Variants in VSTM1 observed in about 807,000 individuals in gnomAD.
VSTM1 encodes the protein V-set and transmembrane domain containing 1, also known as V-set and transmembrane domain-containing protein 1.
Under a neutral mutation model 33.1 loss-of-function variants are expected in VSTM1, and 27 were observed. That is an observed-to-expected ratio of 0.82 (90% confidence interval 0.60 to 1.12). The LOEUF is 1.12. Ranked by LOEUF, VSTM1 falls within the 50% of genes most tolerant of loss-of-function variation. The probability of loss-of-function intolerance (pLI) is 0.00; values close to 1 mark genes in which losing one functional copy is unlikely to be tolerated. For synonymous variants in VSTM1, 115 were observed against 110.3 expected (o/e 1.04, Z -0.27); for missense variants, 304 against 288.9 (o/e 1.05, Z -0.38).
intron 3 of VSTM1, among the ~76,000 whole-genome samples, chr19:54,057,745 G>T (rs1441056093): frequency 6.6e-6 from 1 of 150,398 alleles, no homozygotes; most frequent in African/African-American, 2.4e-5. Flanking sequence ...GGAGGCGGGG[G>T]TTGCAGTGAG....
intron 3 of VSTM1, among the ~76,000 whole-genome samples, chr19:54,052,324 G>A (rs1345446664): frequency 2.1e-5 from 3 of 142,608 alleles, no homozygotes; most frequent in East Asian, 2.0e-4. Context: ...CGTGAACCCG[G>A]GAGGCGGAGC....
At chr19:54,047,755 T>G (rs2070666129) in intron 4 of VSTM1, among the ~76,000 whole-genome samples, 1 of 152,182 alleles carries the variant, frequency 6.6e-6, no homozygotes, top group South Asian at 2.1e-4. Context: ...CACACAGCAA[T>G]TCACTAGAAA....
At chr19:54,047,363 C>T (rs144629818) in intron 4 of VSTM1, among the ~76,000 whole-genome samples, 12 of 151,784 alleles carry the variant, frequency 7.9e-5, no homozygotes, top group African/African-American at 2.7e-4. Context: ...GGTACAATCT[C>T]GGCTTTGGAA....
intron 1 of VSTM1, among the ~76,000 whole-genome samples, chr19:54,062,425 T>A (rs1295514269): frequency 6.6e-6 from 1 of 151,986 alleles, no homozygotes; most frequent in African/African-American, 2.4e-5. Flanking sequence ...CCGATAGTCA[T>A]CTCTAAGGCA....
At position 54,063,896 on chromosome 19, in the gene VSTM1, A is replaced by G; in HGVS notation, c.-119T>C. 3 of 1,123,050 alleles carry G rather than the reference A, an allele frequency of 2.7e-6. No homozygotes were observed. The highest frequency in any genetic ancestry group is 3.8e-6 in the Non-Finnish European group (3 of 796,592). The allele number at this position is 1,123,050 out of a possible 1,614,324, so 69.6% of individuals were successfully genotyped here. A position where few individuals can be genotyped will look rare whatever the true frequency, so the allele number is the denominator to read the frequency against. ...GTTCGTCCCCAGGATGTGCAGATAGAGGAGGTTTTGCTCTGACACTCTGGT... is the reference window on the plus strand; with the variant it reads ...GTTCGTCCCCAGGATGTGCAGATAGGGGAGGTTTTGCTCTGACACTCTGGT... On this transcript the variant is annotated 5_prime_UTR_variant, in exon 1 of 9. Transcript: ENST00000338372.
At chr19:54,041,168 C>T in intron 8 of VSTM1, 88 bp from the exon 9 acceptor site, 1 of 1,342,856 alleles carries the variant, frequency 7.4e-7, no homozygotes, top group Non-Finnish European at 9.8e-7. Flanking sequence ...AAGTTAATTA[C>T]AATTAAATTT....
intron 3 of VSTM1, 59 bp from the exon 4 acceptor site, chr19:54,051,507 G>A (rs2070840585): frequency 7.1e-7 from 1 of 1,408,828 alleles, no homozygotes; most frequent in South Asian, 1.3e-5. Flanking sequence ...CTTGGGGACA[G>A]GAGTCCTCAC....
intron 3 of VSTM1, among the ~76,000 whole-genome samples, chr19:54,054,152 G>GA (rs2070976498): frequency 7.0e-6 from 1 of 142,380 alleles, no homozygotes; most frequent in African/African-American, 2.6e-5. Flanking sequence ...GGCTGACCTG[G>GA]AAAATCAACC....
chr19:54,052,997 A>G, intron 3 of VSTM1: 1 of 168,056 alleles, frequency 6.0e-6, no homozygotes, highest in Non-Finnish European at 1.3e-5. Flanking sequence ...AAAAAAAAAA[A>G]AAAAAAGCAG....
At chr19:54,042,812 A>ATATATATATGTG (rs1555752336) in intron 4 of VSTM1, among the ~76,000 whole-genome samples, 1 of 39,138 alleles carries the variant, frequency 2.6e-5, no homozygotes, top group African/African-American at 8.3e-5. Context: ...ATGTGTATAT[A>ATATATATATGTG]TATATATATA....
chr19:54,042,354 A>G lies in VSTM1; in HGVS notation c.410T>C (p.Phe137Ser), dbSNP rs753095684. The G allele has an allele frequency of 8.7e-6, 14 of 1,613,732 alleles. No homozygotes were observed. In the East Asian group the frequency reaches 2.9e-4, roughly 33 times the overall value. Residue 137 changes from phenylalanine (F) to serine (S), a missense_variant, in exon 5 of 9, where the codon TTT becomes TCT. Transcript: ENST00000338372. ...GGAGATGCAGCTGAAGATGGCGACAAAGATGGTTCTGGTGTCTGGAGGGGG... is the reference window on the plus strand; with the variant it reads ...GGAGATGCAGCTGAAGATGGCGACAGAGATGGTTCTGGTGTCTGGAGGGGG... Reference protein sequence around the residue: ...PSMKTDTRTIFVAIFSCISIL... With the variant: ...PSMKTDTRTISVAIFSCISIL...
intron 4 of VSTM1, among the ~76,000 whole-genome samples, chr19:54,049,904 GATGCCAATTTAT>G (rs755779679): frequency 1.3e-5 from 2 of 151,786 alleles, no homozygotes; most frequent in Non-Finnish European, 2.9e-5. Context: ...TAAGCATCTA[GATGCCAATTTAT>G]ATTCTGCATT....
At chr19:54,047,455 G>A (rs114827341) in intron 4 of VSTM1, among the ~76,000 whole-genome samples, 2,668 of 151,988 alleles carry the variant, frequency 0.018, 29 homozygotes, top group Middle Eastern at 0.051. Flanking sequence ...ACCTCACCCC[G>A]CTAATTTTTT....
chr19:54,058,182 G>A (rs1281376045), intron 3 of VSTM1, 124 bp downstream of exon 3: 14 of 1,070,072 alleles, frequency 1.3e-5, no homozygotes, highest in Non-Finnish European at 1.9e-5. Context: ...AGAAGTTGCA[G>A]TGAGCCGAGA....
Position 54,062,984 on chromosome 19 carries a change from T to C in VSTM1, c.34+760A>G, listed in dbSNP as rs183907044. Among the ~76,000 whole-genome samples the C allele has an allele frequency of 2.0e-5, 3 of 152,234 alleles. No individual in the cohort carries two copies. In the East Asian group the frequency reaches 5.8e-4, roughly 29 times the overall value. Reference sequence around the variant, plus strand: ...TTTCACAGTGTGAGCTCTGTCTGAATACATCAGGTTCAATTGGAGGATGGT... The same window carrying C: ...TTTCACAGTGTGAGCTCTGTCTGAACACATCAGGTTCAATTGGAGGATGGT... On this transcript the variant is annotated intron_variant, in intron 1 of 8. Coordinates refer to ENST00000338372, the MANE Select transcript of VSTM1 (RefSeq NM_198481.4).
At chr19:54,059,948 C>T (rs996577284) in intron 1 of VSTM1, among the ~76,000 whole-genome samples, 22 of 151,088 alleles carry the variant, frequency 1.5e-4, no homozygotes, top group Admixed American at 2.6e-4. Context: ...CCCGGGTTCA[C>T]GCCATTCTCC....
chr19:54,051,021 C>T (rs1437432718), intron 4 of VSTM1, among the ~76,000 whole-genome samples: 13 of 151,538 alleles, frequency 8.6e-5, no homozygotes, highest in East Asian at 1.9e-4. Flanking sequence ...AGGCCGTGTG[C>T]GGTGGCTCAC....
At chr19:54,051,350 G>T in intron 4 of VSTM1, 60 bp downstream of exon 4, 1 of 1,396,212 alleles carries the variant, frequency 7.2e-7, no homozygotes, top group Non-Finnish European at 1.0e-6. Flanking sequence ...TGCACTTTAA[G>T]CAAAGGTGAT....
chr19:54,041,214 ATTTC>A, intron 8 of VSTM1, 134 bp from the exon 9 acceptor site: 7 of 893,010 alleles, frequency 7.8e-6, no homozygotes, highest in Non-Finnish European at 1.1e-5. Context: ...CACCAGATGC[ATTTC>A]TTTTTCTTTT....
Sources: allele counts gnomAD v4.1 joint callset (sites outside exome capture counted in the v4.1 genomes callset), GRCh38; gene constraint gnomAD v4.1.1; transcripts MANE v1.5; gene names NCBI Gene and HGNC (gene_info 2026-07-23, HGNC 2026-07-21).